The following NCALD variants were observed in gnomAD, a reference collection of about 807,000 sequenced individuals.
NCALD encodes neurocalcin-delta.
Under a neutral mutation model 18.6 loss-of-function variants are expected in NCALD, and 10 were observed. The ratio of observed to expected loss-of-function variants is 0.54; its 90% confidence interval spans 0.33 to 0.91. NCALD has a LOEUF of 0.91. Ranked by LOEUF, NCALD falls within the 40% of genes least tolerant of loss-of-function variation. The pLI, the probability that NCALD is intolerant of heterozygous loss-of-function variation, is 0.03. For missense variants in NCALD, 184 were observed against 247.6 expected (o/e 0.74, Z 1.72); for synonymous variants, 88 against 87.4 (o/e 1.01, Z -0.04).
At chr8:101,931,513 A>T (rs1171397665) in intron 2 of NCALD, among the ~76,000 whole-genome samples, 1 of 152,198 alleles carries the variant, frequency 6.6e-6, no homozygotes, top group Admixed American at 6.5e-5. Context: ...GCATGACTCC[A>T]TGTCCTGAGC....
intron 2 of NCALD, among the ~76,000 whole-genome samples, chr8:101,975,842 C>A (rs932507763): frequency 3.3e-5 from 5 of 152,112 alleles, no homozygotes; most frequent in East Asian, 1.9e-4. Flanking sequence ...TACCTTATAT[C>A]TTCTCTTTGT....
chr8:101,692,011 C>T (rs749046949), intron 3 of NCALD: 14 of 982,348 alleles, frequency 1.4e-5, no homozygotes, highest in Non-Finnish European at 1.5e-5. Context: ...ATACATGATG[C>T]CCCGTTAACT....
At chr8:102,018,354 C>T (rs573492472) in intron 2 of NCALD, among the ~76,000 whole-genome samples, 2 of 152,274 alleles carry the variant, frequency 1.3e-5, no homozygotes, top group South Asian at 4.1e-4. Flanking sequence ...AAATCTTCAT[C>T]ATTTGGGGAA....
At chr8:102,034,800 G>A (rs934787282) in intron 1 of NCALD, among the ~76,000 whole-genome samples, 7 of 152,296 alleles carry the variant, frequency 4.6e-5, no homozygotes, top group Middle Eastern at 3.4e-3. Flanking sequence ...TGAAAGCAGG[G>A]ACTGTCTTAA....
At chr8:101,793,628 A>T (rs562940972), upstream of NCALD, among the ~76,000 whole-genome samples, 4 of 152,232 alleles carry the variant, frequency 2.6e-5, no homozygotes, top group Non-Finnish European at 5.9e-5. Flanking sequence ...AGTTGAAAGT[A>T]TCACAGGAAA....
chr8:101,861,597 A>AC (rs1165545380), intron 4 of NCALD, among the ~76,000 whole-genome samples: 3 of 152,122 alleles, frequency 2.0e-5, no homozygotes, highest in African/African-American at 7.2e-5. Flanking sequence ...CAAGTGCCCT[A>AC]CCTCAAGAAA....
Position 101,716,381 on chromosome 8 carries a change from A to G in NCALD, c.378+2871T>C, listed in dbSNP as rs188573699. On this transcript the variant is annotated intron_variant, in intron 2 of 3. Transcript: ENST00000220931. ...AATACCTAATGTAAATGACGGGTTGATGGGTGCAGCAAAACACCATGGCAC... is the reference window on the plus strand; with the variant it reads ...AATACCTAATGTAAATGACGGGTTGGTGGGTGCAGCAAAACACCATGGCAC... 7.3e-3 allele frequency among the ~76,000 whole-genome samples: 1,117 copies of G among 152,248 alleles called. 16 individuals carry two copies. The highest frequency in any genetic ancestry group is 0.026 in the African/African-American group (1,061 of 41,536).
At chr8:101,797,392 C>T (rs528830519) in intron 4 of NCALD, among the ~76,000 whole-genome samples, 26 of 152,260 alleles carry the variant, frequency 1.7e-4, no homozygotes, top group African/African-American at 5.8e-4. Context: ...ACCACATTAA[C>T]TTTAAAGGAG....
intron 2 of NCALD, among the ~76,000 whole-genome samples, chr8:101,963,926 A>C (rs750670885): frequency 1.3e-5 from 2 of 152,186 alleles, no homozygotes; most frequent in Non-Finnish European, 2.9e-5. Context: ...CCACTGAAAA[A>C]AAATCCATGA....
At chr8:101,753,704 T>G (rs1462108814) in intron 1 of NCALD, among the ~76,000 whole-genome samples, 1 of 152,070 alleles carries the variant, frequency 6.6e-6, no homozygotes, top group Admixed American at 6.6e-5. Context: ...GAAGGGATAG[T>G]CTCTTTCTGC....
chr8:101,943,892 G>T (rs1457573686), intron 2 of NCALD, among the ~76,000 whole-genome samples: 3 of 151,598 alleles, frequency 2.0e-5, no homozygotes, highest in Non-Finnish European at 2.9e-5. Context: ...AGTGAGCCGA[G>T]ATCACACCGC....
chr8:101,999,349 A>G (rs1821359419), intron 2 of NCALD, among the ~76,000 whole-genome samples: 1 of 152,342 alleles, frequency 6.6e-6, no homozygotes, highest in East Asian at 1.9e-4. Flanking sequence ...ATAAAAAAGA[A>G]TGAAGTAATG....
intron 1 of NCALD, among the ~76,000 whole-genome samples, chr8:102,121,222 T>G (rs567649608): frequency 6.6e-6 from 1 of 152,332 alleles, no homozygotes; most frequent in East Asian, 1.9e-4. Flanking sequence ...TGTTGTGTTG[T>G]GTTGTGTTTT....
chr8:101,802,612 T>C (rs1196219761), intron 4 of NCALD, among the ~76,000 whole-genome samples: 2 of 151,928 alleles, frequency 1.3e-5, no homozygotes, highest in African/African-American at 4.8e-5. Context: ...TATGTTCATA[T>C]GTAGAAAGTT....
At chr8:102,069,872 T>C (rs939028851) in intron 1 of NCALD, 1 of 152,196 alleles carries the variant, frequency 6.6e-6, no homozygotes, top group Non-Finnish European at 1.5e-5. Context: ...CCCAGCACTT[T>C]AGGAGGCCGA....
At chr8:101,793,179 T>C (rs1009110049), upstream of NCALD, among the ~76,000 whole-genome samples, 1 of 151,932 alleles carries the variant, frequency 6.6e-6, no homozygotes, top group East Asian at 1.9e-4. Flanking sequence ...TGAAACCCCG[T>C]CTCTATTAAA....
chr8:102,007,502 C>G (rs1224784530), intron 2 of NCALD, among the ~76,000 whole-genome samples: 3 of 152,160 alleles, frequency 2.0e-5, no homozygotes, highest in Non-Finnish European at 4.4e-5. Flanking sequence ...AATGTTAGCT[C>G]TGGTAGGGAT....
At chr8:101,985,751 C>A (rs1364292044) in intron 2 of NCALD, among the ~76,000 whole-genome samples, 1 of 152,172 alleles carries the variant, frequency 6.6e-6, no homozygotes, top group African/African-American at 2.4e-5. Context: ...TTTTTCTTCC[C>A]AAGCTGCTTA....
At chr8:102,055,646 ACT>A (rs1823625261) in intron 1 of NCALD, among the ~76,000 whole-genome samples, 1 of 152,084 alleles carries the variant, frequency 6.6e-6, no homozygotes, top group African/African-American at 2.4e-5. Flanking sequence ...AGCTTGATTT[ACT>A]CTTTTTCCAC....
Sources: allele counts gnomAD v4.1 joint callset (sites outside exome capture counted in the v4.1 genomes callset), GRCh38; gene constraint gnomAD v4.1.1; transcripts MANE v1.5; gene names NCBI Gene and HGNC (gene_info 2026-07-23, HGNC 2026-07-21).